The following DYNC2LI1 variants were observed in gnomAD, a reference collection of about 807,000 sequenced individuals.
The protein encoded by DYNC2LI1 is cytoplasmic dynein 2 light intermediate chain 1.
DYNC2LI1 carries 45 observed loss-of-function variants against 51.9 expected under a neutral mutation model. The observed-to-expected ratio is 0.87, with a 90% confidence interval of 0.68 to 1.11. The LOEUF (loss-of-function observed/expected upper bound fraction) is 1.11. Among genes scored for constraint, DYNC2LI1 ranks in the 50% most tolerant of loss-of-function variants. The pLI is 0.00. For missense variants in DYNC2LI1, 490 were observed against 417.4 expected (o/e 1.17, Z -1.51); for synonymous variants, 130 against 137.8 (o/e 0.94, Z 0.40).
chr2:43,774,044 G>T lies in DYNC2LI1; in HGVS notation c.-95G>T. ...CGTCGCTCCCATGGCAACCCAGAAG[G>T]CCTCACTCCCAGACTCCTTGCGGAG... On this transcript the variant is annotated 5_prime_UTR_variant, in exon 1 of 13. Coordinates refer to ENST00000260605, the MANE Select transcript of DYNC2LI1 (RefSeq NM_016008.4). 4 of 1,543,860 alleles carry T rather than the reference G, an allele frequency of 2.6e-6. No homozygotes were observed. The highest frequency in any genetic ancestry group is 2.4e-5 in the East Asian group (1 of 41,610).
chr2:43,813,378 C>A, downstream of DYNC2LI1: 1 of 1,123,322 alleles, frequency 8.9e-7, no homozygotes, highest in Non-Finnish European at 1.3e-6. Flanking sequence ...AAGTATTTAC[C>A]AAGCGCTTGC....
At position 43,776,789 on chromosome 2, in the gene DYNC2LI1, C is replaced by T. The variant is rs146698690; in HGVS notation, c.16C>T (p.Leu6Phe). The T allele has an allele frequency of 4.2e-4, 658 of 1,572,062 alleles. 1 individual carries two copies. In the African/African-American group the frequency reaches 7.8e-3, roughly 19 times the overall value. MPSET[L>F]WEIAKAEVEK... is the part of the protein sequence containing the mutation. ...TTTCTGCCTCTCATGTAGTGAAACT[C>T]TCTGGGAAATTGCAAAAGCTGAAGT... The change falls in exon 2 of 13, where the codon CTC (leucine) becomes TTC (phenylalanine). Residue 6 changes from leucine to phenylalanine, a missense_variant. Transcript: ENST00000260605.
At chr2:43,816,383 A>C in the DYNC2LI1 span, among the ~76,000 whole-genome samples, 2 of 152,198 alleles carry the variant, frequency 1.3e-5, no homozygotes, top group Non-Finnish European at 2.9e-5. Context: ...GCCTTCAAAG[A>C]GAGTGCGCCT....
the DYNC2LI1 span, among the ~76,000 whole-genome samples, chr2:43,815,304 TTC>T: frequency 6.6e-6 from 1 of 152,222 alleles, no homozygotes; most frequent in Non-Finnish European, 1.5e-5. Flanking sequence ...ATAAAATTCT[TTC>T]TGTTTGCAAG....
chr2:43,825,160 GCA>G, the DYNC2LI1 span: 1 of 1,008,052 alleles, frequency 9.9e-7, no homozygotes, highest in African/African-American at 1.6e-5. Context: ...TTTCCCATAA[GCA>G]GTCAGTCCTT....
chr2:43,821,602 T>C, the DYNC2LI1 span, among the ~76,000 whole-genome samples: 3 of 152,124 alleles, frequency 2.0e-5, no homozygotes, highest in African/African-American at 7.2e-5. Context: ...TATTCTCCCT[T>C]AAGCAATGGA....
At chr2:43,785,637 G>A (rs1673490346) in intron 3 of DYNC2LI1, among the ~76,000 whole-genome samples, 1 of 152,002 alleles carries the variant, frequency 6.6e-6, no homozygotes, top group Admixed American at 6.5e-5. Context: ...GGGAGGCTGA[G>A]GCATGGGAAT....
chr2:43,813,781 G>A (rs996333135), downstream of DYNC2LI1, among the ~76,000 whole-genome samples: 4 of 129,680 alleles, frequency 3.1e-5, no homozygotes, highest in African/African-American at 5.9e-5. Flanking sequence ...GCAGTGGCTC[G>A]ATCTGGGCTC....
At chr2:43,781,601 C>CTTTTTT (rs1406731600) in intron 2 of DYNC2LI1, 2 of 133,354 alleles carry the variant, frequency 1.5e-5, no homozygotes, top group African/African-American at 6.0e-5. Flanking sequence ...TCCTGATTTT[C>CTTTTTT]TTTTTCTTTT....
At chr2:43,784,219 A>T (rs1411566184) in intron 3 of DYNC2LI1, among the ~76,000 whole-genome samples, 1 of 152,250 alleles carries the variant, frequency 6.6e-6, no homozygotes, top group Admixed American at 6.5e-5. Flanking sequence ...GGATACAAAT[A>T]ATAAATTCCT....
the DYNC2LI1 span, among the ~76,000 whole-genome samples, chr2:43,815,464 G>A: frequency 6.6e-6 from 1 of 152,282 alleles, no homozygotes; most frequent in African/African-American, 2.4e-5. Context: ...AAAAAAATGT[G>A]TACCACACAT....
At chr2:43,788,466 C>G (rs1033319494) in intron 4 of DYNC2LI1, among the ~76,000 whole-genome samples, 1 of 152,122 alleles carries the variant, frequency 6.6e-6, no homozygotes, top group Non-Finnish European at 1.5e-5. Flanking sequence ...ATGTCTTTCT[C>G]AGATTTAATT....
intron 3 of DYNC2LI1, among the ~76,000 whole-genome samples, chr2:43,784,093 G>T (rs1673410500): frequency 6.6e-6 from 1 of 152,140 alleles, no homozygotes; most frequent in South Asian, 2.1e-4. Context: ...ATATTTCTCT[G>T]TTCCCTTCAT....
chr2:43,814,129 A>G (rs1168840557), downstream of DYNC2LI1, among the ~76,000 whole-genome samples: 1 of 152,124 alleles, frequency 6.6e-6, no homozygotes, highest in Non-Finnish European at 1.5e-5. Flanking sequence ...TACGATGTAC[A>G]TTTTGGGGAA....
chr2:43,800,511 C>T (rs1666037891), intron 8 of DYNC2LI1, among the ~76,000 whole-genome samples: 1 of 152,096 alleles, frequency 6.6e-6, no homozygotes, highest in African/African-American at 2.4e-5. Context: ...TGTTTACACA[C>T]ATACAGCCCA....
the DYNC2LI1 span, chr2:43,822,522 C>T: frequency 2.0e-6 from 2 of 982,636 alleles, no homozygotes; most frequent in Non-Finnish European, 2.4e-6. Context: ...AGAGTCCTCT[C>T]TTCTCTGGCC....
the DYNC2LI1 span, chr2:43,822,483 C>CCG: frequency 1.1e-6 from 1 of 906,682 alleles, no homozygotes; most frequent in Non-Finnish European, 1.3e-6. Context: ...CCCAGGCCCC[C>CCG]CCCCATGCAC....
intron 4 of DYNC2LI1, among the ~76,000 whole-genome samples, chr2:43,788,158 T>G (rs74722255): frequency 0.022 from 3,275 of 152,312 alleles, 120 homozygotes; most frequent in African/African-American, 0.073. Context: ...GCTTAACTTT[T>G]GAGAAGAGCT....
intron 2 of DYNC2LI1, among the ~76,000 whole-genome samples, chr2:43,782,087 G>A (rs1291556654): frequency 1.3e-5 from 2 of 151,324 alleles, no homozygotes; most frequent in African/African-American, 4.9e-5. Context: ...GAGACATGCT[G>A]ATCTATTATG....
Sources: allele counts gnomAD v4.1 joint callset (sites outside exome capture counted in the v4.1 genomes callset), GRCh38; gene constraint gnomAD v4.1.1; transcripts MANE v1.5; gene names NCBI Gene and HGNC (gene_info 2026-07-23, HGNC 2026-07-21).